HIF3A: variants seen among roughly 807,000 people sequenced by gnomAD.
The protein encoded by HIF3A is hypoxia inducible factor 3 subunit alpha.
HIF3A carries 41 observed loss-of-function variants against 67.2 expected under a neutral mutation model. The observed-to-expected ratio is 0.61, with a 90% CI of 0.48 to 0.79. HIF3A has a LOEUF of 0.79. HIF3A is among the 30% of genes least tolerant of loss of function. HIF3A has a pLI of 0.00. For synonymous variants in HIF3A, 356 were observed against 374.8 expected (o/e 0.95, Z 0.58); for missense variants, 855 against 898.0 (o/e 0.95, Z 0.61).
At chr19:46,321,489 CAGG>C (rs1970357672) in intron 9 of HIF3A, among the ~76,000 whole-genome samples, 1 of 152,194 alleles carries the variant, frequency 6.6e-6, no homozygotes, top group African/African-American at 2.4e-5. Flanking sequence ...GAGACTGAGG[CAGG>C]AGAATTGCTC....
At chr19:46,304,889 AT>A (rs1247221353) in intron 2 of HIF3A, among the ~76,000 whole-genome samples, 2 of 151,766 alleles carry the variant, frequency 1.3e-5, no homozygotes, top group African/African-American at 2.4e-5. Context: ...TCATCTCTAT[AT>A]TACAATTCCC....
chr19:46,337,210 AG>A (rs1182531966), intron 14 of HIF3A, among the ~76,000 whole-genome samples: 2 of 151,992 alleles, frequency 1.3e-5, no homozygotes, highest in Admixed American at 1.3e-4. Context: ...CAGAGAGAAC[AG>A]CAAGTGCAAA....
At chr19:46,298,290 G>T in intron 1 of HIF3A, 1 of 720,690 alleles carries the variant, frequency 1.4e-6, no homozygotes, top group Non-Finnish European at 2.0e-6. Flanking sequence ...ACCCCTTTTG[G>T]GCCAGCTGTC....
At position 46,315,073 on chromosome 19, in the gene HIF3A, T is replaced by TGTTTTG. The variant is rs147081276; in HGVS notation, c.1025+2420_1025+2421insGTTTTG. ...ATGTTGTGGTTTTTCTTTCTTGGTT[T>TGTTTTG]TTTTGTTTTGTTTTTGAGACAGAGT... is the stretch of plus-strand genomic sequence containing the variant. On this transcript the variant is annotated intron_variant, in intron 8 of 14. Coordinates refer to ENST00000377670, the MANE Select transcript of HIF3A (RefSeq NM_152795.4). Among the ~76,000 whole-genome samples the TGTTTTG allele has an allele frequency of 1.4e-5, 2 of 142,052 alleles. 1 individual carries two copies. The highest frequency in any genetic ancestry group is 5.1e-5 in the African/African-American group (2 of 39,260). The allele number at this position is 142,052 out of a possible 152,430, so 93.2% of individuals were successfully genotyped here.
chr19:46,341,220 GAC>G lies in HIF3A; in HGVS notation c.*1600_*1601del, dbSNP rs1971925351. The G allele has an allele frequency of 7.7e-6, 1 of 130,600 alleles. No homozygotes were observed. Among genetic ancestry groups the G allele is most frequent in the African/African-American group, 2.9e-5 (1 of 33,988 alleles). The allele number at this position is 130,600 out of a possible 1,614,324, so 8.1% of individuals were successfully genotyped here. A position where few individuals can be genotyped will look rare whatever the true frequency, so the allele number is the denominator to read the frequency against. On this transcript the variant is annotated 3_prime_UTR_variant, in exon 15 of 15. Coordinates refer to ENST00000377670, the MANE Select transcript of HIF3A (RefSeq NM_152795.4). ...TCTCTTTTTTTTTTTTTTTTTTTGAGACAGAGTCCCACTCTGTCACCCAGGCT... is the reference window on the plus strand; with the variant it reads ...TCTCTTTTTTTTTTTTTTTTTTTGAGAGAGTCCCACTCTGTCACCCAGGCT...
At position 46,308,201 on chromosome 19, in the gene HIF3A, A is replaced by T; in HGVS notation, c.364-20A>T. ...GGGTCAGAAGCCCTGGTAGACCCCC[A>T]CCCCTCTCATCCCTGGCAGCTGGAG... On this transcript the variant is annotated intron_variant, in intron 3 of 14. Transcript: ENST00000377670. 1 of 1,565,374 alleles carries T rather than the reference A, an allele frequency of 6.4e-7. No individual in the cohort carries two copies. The highest frequency in any genetic ancestry group is 2.2e-5 in the East Asian group (1 of 44,648).
At chr19:46,327,838 G>A (rs190637591) in intron 11 of HIF3A, among the ~76,000 whole-genome samples, 1 of 152,174 alleles carries the variant, frequency 6.6e-6, no homozygotes, top group Non-Finnish European at 1.5e-5. Flanking sequence ...AACAGACAAA[G>A]GAAGATATTC....
chr19:46,311,733 C>T (rs542697966), intron 6 of HIF3A, among the ~76,000 whole-genome samples: 5 of 152,116 alleles, frequency 3.3e-5, no homozygotes, highest in Non-Finnish European at 5.9e-5. Flanking sequence ...GCAGGGCACA[C>T]ACCTGTAGTC....
chr19:46,334,958 C>A lies in HIF3A; in HGVS notation c.1884C>A (p.Thr628=), dbSNP rs746760046. The change falls in exon 14 of 15, where the codon ACC becomes ACA. Residue 628 remains threonine, a synonymous_variant. Transcript: ENST00000377670. ...CAGGGAGCCTGCAGGACCCCAGCACCCCACTCCTGAACCTGAATGAGCCCC... is the reference window on the plus strand; with the variant it reads ...CAGGGAGCCTGCAGGACCCCAGCACACCACTCCTGAACCTGAATGAGCCCC... ...PAPGSLQDPS[T]PLLNLNEPLG... 14 of 1,608,098 alleles carry A rather than the reference C, an allele frequency of 8.7e-6. No individual in the cohort carries two copies. The African/African-American group carries it at 1.7e-4, about 20-fold the overall frequency.
At chr19:46,312,367 C>T (rs1386890764) in intron 7 of HIF3A, 100 bp downstream of exon 7, 2 of 1,609,588 alleles carry the variant, frequency 1.2e-6, no homozygotes, top group East Asian at 2.2e-5. Flanking sequence ...GCACTGCCTC[C>T]CCACCTCAAC....
intron 3 of HIF3A, among the ~76,000 whole-genome samples, chr19:46,305,824 C>A (rs1041775529): frequency 2.6e-5 from 4 of 152,158 alleles, no homozygotes; most frequent in Non-Finnish European, 5.9e-5. Context: ...CACCTGTAAT[C>A]CCAGCACTTT....
At chr19:46,310,451 C>T (rs1969329386) in intron 6 of HIF3A, 1 of 310,576 alleles carries the variant, frequency 3.2e-6, no homozygotes, top group African/African-American at 2.2e-5. Flanking sequence ...ACCCTCTATC[C>T]TTCCTTTCAT....
chr19:46,339,617 G>A lies in HIF3A; in HGVS notation c.2005G>A (p.Asp669Asn), dbSNP rs1263389962. Residue 669 changes from aspartate to asparagine, a missense_variant, in exon 15 of 15, where the codon GAC (aspartate) becomes AAC (asparagine). Asp to Asn is a conservative substitution (Grantham distance 23, BLOSUM62 1). Transcript: ENST00000377670. ...GCCAAGGGCAGGCTCAGCCCAGGCT[G>A]ACTGAGCCGGCTCCTCTCCCCATCT... ...FQPRAGSAQA[D>N] The A allele has an allele frequency of 6.3e-6, 10 of 1,598,152 alleles. No homozygotes were observed. The highest frequency in any genetic ancestry group is 8.5e-6 in the Non-Finnish European group (10 of 1,171,524).
chr19:46,301,637 C>T (rs1968341013), intron 1 of HIF3A, among the ~76,000 whole-genome samples: 1 of 151,988 alleles, frequency 6.6e-6, no homozygotes, highest in Admixed American at 6.6e-5. Context: ...AGCAGCCTGG[C>T]CAACATAGCG....
intron 11 of HIF3A, among the ~76,000 whole-genome samples, chr19:46,327,702 A>G (rs1008188683): frequency 2.6e-5 from 4 of 152,150 alleles, no homozygotes; most frequent in Admixed American, 2.6e-4. Flanking sequence ...CTGCCTACCA[A>G]TGTGGAGATT....
At position 46,342,572 on chromosome 19, in the gene HIF3A, C is replaced by T. The variant is rs971173178; in HGVS notation, c.*2950C>T. 2.0e-5 allele frequency: 3 copies of T among 152,128 alleles called. No individual in the cohort carries two copies. Among genetic ancestry groups the T allele is most frequent in the Non-Finnish European group, 4.4e-5 (3 of 68,028 alleles). 9.4% of individuals were successfully genotyped at this position (152,128 alleles called of 1,614,324 possible). A position where few individuals can be genotyped will look rare whatever the true frequency, so the allele number is the denominator to read the frequency against. On this transcript the variant is annotated 3_prime_UTR_variant, in exon 15 of 15. Coordinates refer to ENST00000377670, the MANE Select transcript of HIF3A (RefSeq NM_152795.4). The stretch of plus-strand genomic sequence containing the variant: ...AATTCTATGCTTTATTCTATAAATT[C>T]CTCTGCTTCTAAGCCTCACAGCTTC...
intron 8 of HIF3A, among the ~76,000 whole-genome samples, chr19:46,315,378 T>A (rs1308180384): frequency 6.8e-6 from 1 of 147,200 alleles, no homozygotes; most frequent in East Asian, 2.3e-4. Context: ...ATGTTGTGGT[T>A]TATATCAGTA....
chr19:46,332,462 C>G (rs1351118902), intron 13 of HIF3A, among the ~76,000 whole-genome samples: 1 of 152,152 alleles, frequency 6.6e-6, no homozygotes, highest in Non-Finnish European at 1.5e-5. Context: ...ATCACCCGAG[C>G]CTGGGAGGTC....
At chr19:46,330,477 CGG>C (rs1568542344) in intron 12 of HIF3A, among the ~76,000 whole-genome samples, 1 of 149,256 alleles carries the variant, frequency 6.7e-6, no homozygotes, top group African/African-American at 2.5e-5. Flanking sequence ...ATGGATGAAT[CGG>C]ATGGATGGAG....
Sources: gnomAD v4.1 joint callset for allele counts (sites outside exome capture counted in the v4.1 genomes callset) on GRCh38, gnomAD v4.1.1 for gene constraint, MANE v1.5 for transcripts, NCBI Gene and HGNC (gene_info 2026-07-23, HGNC 2026-07-21) for gene names.